The following TRIM36 variants were observed in gnomAD, a reference collection of about 807,000 sequenced individuals.
TRIM36 encodes tripartite motif containing 36, also known as E3 ubiquitin-protein ligase TRIM36.
Under a neutral mutation model 72.4 loss-of-function variants are expected in TRIM36, and 42 were observed. The observed-to-expected ratio is 0.58, with a 90% CI of 0.45 to 0.75. TRIM36 has a LOEUF of 0.75. Among genes scored for constraint, TRIM36 ranks in the 30% least tolerant of loss-of-function variants. The pLI is 0.00. For synonymous variants in TRIM36, 315 were observed against 282.8 expected, an observed-to-expected ratio of 1.11 and a Z score of -1.14; for missense variants, 913 against 857.1, an observed-to-expected ratio of 1.07 and a Z score of -0.81.
chr5:115,170,134 C>A (rs1213921939), upstream of TRIM36, among the ~76,000 whole-genome samples: 2 of 152,212 alleles, frequency 1.3e-5, no homozygotes, highest in Non-Finnish European at 2.9e-5. Context: ...TCCCCCTACG[C>A]ATCAGCCCCT....
At chr5:115,179,626 C>T (rs543235147) in intron 1 of TRIM36, among the ~76,000 whole-genome samples, 18 of 152,340 alleles carry the variant, frequency 1.2e-4, no homozygotes, top group Admixed American at 4.6e-4. Context: ...GTTTGAGTAG[C>T]CCTGGTTGGT....
chr5:115,126,667 C>T lies in TRIM36; in HGVS notation c.1987G>A (p.Gly663Ser), dbSNP rs140291457. 1 of 1,614,128 alleles carries T rather than the reference C, an allele frequency of 6.2e-7. No individual in the cohort carries two copies. Among genetic ancestry groups the T allele is most frequent in the Admixed American group, 1.7e-5 (1 of 60,014 alleles). The change falls in exon 10 of 10, where the codon GGC becomes AGC. Residue 663 changes from glycine (G) to serine (S), a missense_variant. Coordinates refer to ENST00000513154, the MANE Select transcript of TRIM36 (RefSeq NM_001300759.2). Reference sequence around the variant, plus strand: ...TCCATATCATAGAAATCTACTTTGCCTTTATCACAGTCAAGGAAAATCCCA... The same window carrying T: ...TCCATATCATAGAAATCTACTTTGCTTTTATCACAGTCAAGGAAAATCCCA... The part of the protein sequence containing the change: ...SIGIFLDCDK[G>S]KVDFYDMDQM...
rs1437541415 is a variant in TRIM36, at chr5:115,169,836, G to T, written c.-202C>A. The T allele has an allele frequency of 1.4e-5, 18 of 1,322,126 alleles. No homozygotes were observed. In the Admixed American group the frequency reaches 2.5e-4, roughly 19 times the overall value. The allele number at this position is 1,322,126 out of a possible 1,614,324, so 81.9% of individuals were successfully genotyped here. ...GCAAAAGCACAGGCGCGGGAGAAGC[G>T]AGCTTTGCTCCCAGCGACTACCCCG... is the stretch of plus-strand genomic sequence containing the variant. On this transcript the variant is annotated 5_prime_UTR_variant, in exon 1 of 10. Transcript: ENST00000513154.
chr5:115,147,019 C>T, intron 3 of TRIM36, 50 bp downstream of exon 3: 1 of 1,464,328 alleles, frequency 6.8e-7, no homozygotes, highest in Non-Finnish European at 9.2e-7. Flanking sequence ...ATAAAAGTTT[C>T]ATAACATTAA....
At chr5:115,144,512 A>G in intron 4 of TRIM36, 86 bp downstream of exon 4, 1 of 1,527,676 alleles carries the variant, frequency 6.5e-7, no homozygotes. Context: ...AGACCATATA[A>G]CACACCATGA....
chr5:115,168,444 C>T (rs967877364), intron 1 of TRIM36, among the ~76,000 whole-genome samples: 4 of 152,288 alleles, frequency 2.6e-5, no homozygotes, highest in African/African-American at 9.6e-5. Flanking sequence ...TAACCTTGTA[C>T]AATCATTTCA....
intron 2 of TRIM36, among the ~76,000 whole-genome samples, chr5:115,157,442 T>A (rs374150766): frequency 3.3e-5 from 5 of 152,208 alleles, no homozygotes; most frequent in African/African-American, 1.2e-4. Flanking sequence ...TGCTCACTTG[T>A]AATCCCAGCT....
intron 2 of TRIM36, chr5:115,149,622 G>T (rs1580674798): frequency 2.3e-5 from 2 of 85,290 alleles, no homozygotes; most frequent in African/African-American, 5.4e-5. Context: ...GTTTACCTCT[G>T]CTACTGTGTT....
rs770247627 is a variant in TRIM36 at position 115,126,739 on chromosome 5, A to T, written c.1915T>A (p.Ser639Thr). Residue 639 changes from serine to threonine, a missense_variant, in exon 10 of 10, where the codon TCT becomes ACT. Transcript: ENST00000513154. ...ACTCTATTTTCAGGTTCATTAGAAG[A>T]AGTAGGTGACTTGGGTATAAAAAAT... Reference protein sequence around the residue: ...QKFFIPKSPTSSNEPENRVLP... With the variant: ...QKFFIPKSPTTSNEPENRVLP... 2.5e-6 allele frequency: 4 copies of T among 1,614,048 alleles called. No individual in the cohort carries two copies. In the East Asian group the frequency reaches 8.9e-5, roughly 36 times the overall value.
intron 1 of TRIM36, chr5:115,168,965 A>T (rs894278031): frequency 6.6e-6 from 1 of 152,278 alleles, no homozygotes; most frequent in African/African-American, 2.4e-5. Context: ...AGTATTTCTT[A>T]CCCAAGAGAA....
chr5:115,127,337 G>C (rs1302283270), intron 9 of TRIM36, among the ~76,000 whole-genome samples: 1 of 152,226 alleles, frequency 6.6e-6, no homozygotes, highest in Non-Finnish European at 1.5e-5. Context: ...AAGGCAGGAG[G>C]ACCACTTGAG....
At chr5:115,175,432 C>A (rs1267168033) in intron 1 of TRIM36, among the ~76,000 whole-genome samples, 1 of 152,174 alleles carries the variant, frequency 6.6e-6, no homozygotes, top group African/African-American at 2.4e-5. Context: ...CATGTAACAA[C>A]TAAAATTCCT....
chr5:115,155,046 G>A (rs934467799), intron 2 of TRIM36, among the ~76,000 whole-genome samples: 11 of 152,114 alleles, frequency 7.2e-5, no homozygotes, highest in South Asian at 2.1e-4. Flanking sequence ...AAAATTAGCC[G>A]GGCATGGTGG....
At chr5:115,142,013 G>A (rs903365199) in intron 4 of TRIM36, among the ~76,000 whole-genome samples, 2 of 152,010 alleles carry the variant, frequency 1.3e-5, no homozygotes, top group African/African-American at 4.8e-5. Flanking sequence ...CCCTGATCTT[G>A]CCCAGAAAAC....
intron 2 of TRIM36, among the ~76,000 whole-genome samples, chr5:115,154,030 C>T (rs1458754511): frequency 6.6e-6 from 1 of 152,028 alleles, no homozygotes; most frequent in Non-Finnish European, 1.5e-5. Context: ...CACAAGGAAA[C>T]TTCAAAACCA....
chr5:115,146,216 A>T (rs568712867), intron 3 of TRIM36, among the ~76,000 whole-genome samples: 1 of 152,372 alleles, frequency 6.6e-6, no homozygotes, highest in African/African-American at 2.4e-5. Flanking sequence ...GTGATAGCAC[A>T]GATTGTTTTT....
At chr5:115,150,620 G>T (rs567363473) in intron 2 of TRIM36, among the ~76,000 whole-genome samples, 34 of 152,142 alleles carry the variant, frequency 2.2e-4, no homozygotes, top group Non-Finnish European at 4.1e-4. Context: ...GCTCCAGAAC[G>T]ACTACAGAAA....
chr5:115,140,654 C>T (rs1262214480), intron 5 of TRIM36, among the ~76,000 whole-genome samples: 1 of 152,162 alleles, frequency 6.6e-6, no homozygotes, highest in Non-Finnish European at 1.5e-5. Context: ...AATGTAATCA[C>T]ATAGTATGTA....
At chr5:115,141,436 AT>A (rs942649861) in intron 4 of TRIM36, 62 bp from the exon 5 acceptor site, 1,069 of 1,171,622 alleles carry the variant, frequency 9.1e-4, no homozygotes, top group South Asian at 1.3e-3. Context: ...ACTTTGCAGA[AT>A]TTTTTTTTAA....
Sources: allele counts gnomAD v4.1 joint callset (sites outside exome capture counted in the v4.1 genomes callset), GRCh38; gene constraint gnomAD v4.1.1; transcripts MANE v1.5; gene names NCBI Gene and HGNC (gene_info 2026-07-23, HGNC 2026-07-21).